Variants in PIK3C2G observed in about 807,000 individuals in gnomAD.
PIK3C2G encodes phosphatidylinositol-4-phosphate 3-kinase catalytic subunit type 2 gamma, also known as phosphatidylinositol 3-kinase C2 domain-containing subunit gamma.
Under a neutral mutation model 181.1 loss-of-function variants are expected in PIK3C2G, and 168 were observed. The observed-to-expected ratio is 0.93, with a 90% CI of 0.82 to 1.05. The LOEUF is 1.05. PIK3C2G is among the 50% of genes least tolerant of loss of function. The pLI is 0.00. For synonymous variants in PIK3C2G, 573 were observed against 592.2 expected, an observed-to-expected ratio of 0.97 and a Z score of 0.47; for missense variants, 1,869 against 1,732.8, an observed-to-expected ratio of 1.08 and a Z score of -1.40.
intron 13 of PIK3C2G, among the ~76,000 whole-genome samples, chr12:18,379,053 A>ACACATG (rs1272233348): frequency 1.3e-5 from 2 of 152,130 alleles, no homozygotes; most frequent in Admixed American, 1.3e-4. Flanking sequence ...TACTATAAAG[A>ACACATG]CACATGCACA....
chr12:18,425,517 G>A (rs997039792), intron 18 of PIK3C2G, among the ~76,000 whole-genome samples: 26 of 145,658 alleles, frequency 1.8e-4, no homozygotes, highest in South Asian at 1.1e-3. Flanking sequence ...TCAGCCTCCC[G>A]AGTAGCTGGG....
chr12:18,556,010 G>C (rs528456541), intron 26 of PIK3C2G, among the ~76,000 whole-genome samples: 1 of 152,246 alleles, frequency 6.6e-6, no homozygotes, highest in Admixed American at 6.5e-5. Context: ...TACCTGCCAA[G>C]GGATATATAC....
At chr12:18,414,727 G>T (rs114808385) in intron 16 of PIK3C2G, among the ~76,000 whole-genome samples, 2,197 of 152,176 alleles carry the variant, frequency 0.014, 41 homozygotes, top group African/African-American at 0.045. Context: ...TTTGTTTTTG[G>T]TTTTGTTTTA....
At chr12:18,494,699 C>T (rs1046968369) in intron 20 of PIK3C2G, among the ~76,000 whole-genome samples, 6 of 152,126 alleles carry the variant, frequency 3.9e-5, no homozygotes, top group African/African-American at 1.4e-4. Context: ...CACTGATCTA[C>T]ACTCATTTCT....
intron 1 of PIK3C2G, among the ~76,000 whole-genome samples, chr12:18,276,514 C>T (rs1163378504): frequency 1.3e-5 from 2 of 152,164 alleles, no homozygotes; most frequent in Non-Finnish European, 2.9e-5. Context: ...TAAACAAAAA[C>T]ATACCCAATA....
intron 29 of PIK3C2G, among the ~76,000 whole-genome samples, chr12:18,577,644 G>A (rs541059158): frequency 3.4e-4 from 51 of 152,046 alleles, no homozygotes; most frequent in Non-Finnish European, 6.3e-4. Flanking sequence ...TTTCAAGGAG[G>A]GGAATCCTGT....
At chr12:18,388,662 CA>C (rs1312511042) in intron 14 of PIK3C2G, among the ~76,000 whole-genome samples, 1 of 152,164 alleles carries the variant, frequency 6.6e-6, no homozygotes, top group African/African-American at 2.4e-5. Context: ...AAAATTGGCC[CA>C]GGGGCACCTT....
upstream of PIK3C2G, among the ~76,000 whole-genome samples, chr12:18,260,829 T>A: frequency 6.6e-6 from 1 of 152,100 alleles, no homozygotes; most frequent in East Asian, 1.9e-4. Flanking sequence ...TTTAATTATA[T>A]AATTTCTTGT....
At chr12:18,678,226 AC>A in the PIK3C2G span, among the ~76,000 whole-genome samples, 4 of 152,182 alleles carry the variant, frequency 2.6e-5, no homozygotes, top group African/African-American at 9.6e-5. Flanking sequence ...CTGTTAGAAC[AC>A]ACATTGTCAC....
intron 18 of PIK3C2G, among the ~76,000 whole-genome samples, chr12:18,441,868 A>G (rs2135829178): frequency 6.6e-6 from 1 of 152,296 alleles, no homozygotes; most frequent in Non-Finnish European, 1.5e-5. Flanking sequence ...AGCATTGTGA[A>G]TCATTCTATT....
chr12:18,654,599 T>C, the PIK3C2G span, among the ~76,000 whole-genome samples: 13 of 152,076 alleles, frequency 8.5e-5, no homozygotes, highest in African/African-American at 3.1e-4. Flanking sequence ...TGAGGAAAAA[T>C]ATTTGGAAAA....
the PIK3C2G span, among the ~76,000 whole-genome samples, chr12:18,676,671 G>A: frequency 1.3e-5 from 2 of 152,100 alleles, no homozygotes; most frequent in African/African-American, 2.4e-5. Flanking sequence ...TATAGTATAA[G>A]CATTACTATA....
intron 24 of PIK3C2G, among the ~76,000 whole-genome samples, chr12:18,530,251 T>A (rs1257660327): frequency 2.0e-5 from 3 of 152,220 alleles, no homozygotes; most frequent in Non-Finnish European, 4.4e-5. Flanking sequence ...CTTTCTCTTA[T>A]AATAGAAGAC....
intron 1 of PIK3C2G, among the ~76,000 whole-genome samples, chr12:18,272,503 A>G (rs1314818005): frequency 1.3e-5 from 2 of 152,182 alleles, no homozygotes; most frequent in Non-Finnish European, 2.9e-5. Context: ...ATGCAATTTC[A>G]TCACTTTCTT....
At chr12:18,481,406 G>GT (rs1241927867) in intron 18 of PIK3C2G, among the ~76,000 whole-genome samples, 1 of 152,122 alleles carries the variant, frequency 6.6e-6, no homozygotes, top group East Asian at 1.9e-4. Context: ...GCTCAACATA[G>GT]TTTTTTCCCT....
intron 14 of PIK3C2G, among the ~76,000 whole-genome samples, chr12:18,383,347 T>C (rs1313318982): frequency 6.6e-6 from 1 of 152,162 alleles, no homozygotes; most frequent in Non-Finnish European, 1.5e-5. Context: ...CGCAACTCAC[T>C]CTGATGTAAT....
intron 24 of PIK3C2G, among the ~76,000 whole-genome samples, chr12:18,529,497 C>T (rs1202554519): frequency 6.6e-6 from 1 of 151,956 alleles, no homozygotes; most frequent in Non-Finnish European, 1.5e-5. Context: ...GGGAAGCAAC[C>T]CAGTGGTATT....
chr12:18,397,409 A>C (rs1238366636), intron 15 of PIK3C2G, among the ~76,000 whole-genome samples: 1 of 152,040 alleles, frequency 6.6e-6, no homozygotes, highest in African/African-American at 2.4e-5. Flanking sequence ...TATATGGCAA[A>C]ATTTTTGTAT....
intron 26 of PIK3C2G, among the ~76,000 whole-genome samples, chr12:18,549,986 A>T (rs914934981): frequency 1.3e-5 from 2 of 151,900 alleles, no homozygotes; most frequent in Non-Finnish European, 2.9e-5. Context: ...CCTAACTTCC[A>T]AGAGCCCATC....
Sources: gnomAD v4.1 joint callset for allele counts (sites outside exome capture counted in the v4.1 genomes callset) on GRCh38, gnomAD v4.1.1 for gene constraint, MANE v1.5 for transcripts, NCBI Gene and HGNC (gene_info 2026-07-23, HGNC 2026-07-21) for gene names.